RBFOX1: variants seen among roughly 807,000 people sequenced by gnomAD.
RBFOX1 encodes RNA binding protein fox-1 homolog 1.
A neutral mutation model predicts 57.7 loss-of-function variants in RBFOX1; 8 were observed. The observed-to-expected ratio is 0.14, with a 90% CI of 0.08 to 0.25. The LOEUF (loss-of-function observed/expected upper bound fraction) is 0.25. RBFOX1 is among the 10% of genes least tolerant of loss of function. RBFOX1 has a pLI of 1.00. For missense variants in RBFOX1, 611 were observed against 548.5 expected (o/e 1.11, Z -1.14); for synonymous variants, 326 against 222.4 (o/e 1.47, Z -4.15).
chr16:6,343,419 C>A (rs1195766376), intron 2 of RBFOX1, among the ~76,000 whole-genome samples: 1 of 152,164 alleles, frequency 6.6e-6, no homozygotes. Context: ...GGAAGATAGT[C>A]TTCAGGGAAG....
chr16:7,089,692 C>A (rs1170233839), intron 4 of RBFOX1, among the ~76,000 whole-genome samples: 1 of 152,066 alleles, frequency 6.6e-6, no homozygotes, highest in Non-Finnish European at 1.5e-5. Flanking sequence ...TGTCCCAGAC[C>A]CCCTTCCACA....
intron 4 of RBFOX1, among the ~76,000 whole-genome samples, chr16:7,451,544 C>T (rs1006245981): frequency 2.0e-5 from 3 of 152,074 alleles, no homozygotes; most frequent in Non-Finnish European, 2.9e-5. Context: ...GATCTCAACC[C>T]TACACTCATT....
intron 1 of RBFOX1, among the ~76,000 whole-genome samples, chr16:6,173,084 T>C (rs2096973778): frequency 6.6e-6 from 1 of 152,174 alleles, no homozygotes; most frequent in Non-Finnish European, 1.5e-5. Context: ...ACGATGATAT[T>C]AGGCCCACCT....
At chr16:7,200,017 C>G (rs1032740024) in intron 4 of RBFOX1, among the ~76,000 whole-genome samples, 2 of 152,202 alleles carry the variant, frequency 1.3e-5, no homozygotes, top group South Asian at 2.1e-4. Flanking sequence ...TGGATAGTCA[C>G]AATCATAGAG....
chr16:5,276,107 T>C (rs1005666686), intron 1 of RBFOX1, among the ~76,000 whole-genome samples: 5 of 152,224 alleles, frequency 3.3e-5, no homozygotes, highest in Non-Finnish European at 5.9e-5. Flanking sequence ...GGAAAACGTT[T>C]CTACACATTG....
intron 2 of RBFOX1, among the ~76,000 whole-genome samples, chr16:6,454,869 T>TG (rs1567313647): frequency 3.3e-5 from 1 of 30,386 alleles, no homozygotes; most frequent in Non-Finnish European, 6.2e-5. Flanking sequence ...GGTTTTTTTT[T>TG]TTTTTTTTTT....
At chr16:7,465,682 G>C (rs2060386401) in intron 4 of RBFOX1, among the ~76,000 whole-genome samples, 1 of 152,258 alleles carries the variant, frequency 6.6e-6, no homozygotes, top group Admixed American at 6.5e-5. Context: ...ATACCCTGGG[G>C]ATCCTTTGCT....
chr16:6,316,310 A>G (rs1241244463), intron 1 of RBFOX1, among the ~76,000 whole-genome samples: 1 of 152,136 alleles, frequency 6.6e-6, no homozygotes, highest in Admixed American at 6.6e-5. Context: ...AGTTTAGGTG[A>G]TATTTGGTTT....
chr16:5,991,233 G>A (rs774517507), intron 4 of RBFOX1, among the ~76,000 whole-genome samples: 19 of 152,116 alleles, frequency 1.2e-4, no homozygotes, highest in Non-Finnish European at 2.5e-4. Context: ...CCCATTTGCA[G>A]AGGAGCAGCA....
intron 4 of RBFOX1, among the ~76,000 whole-genome samples, chr16:7,280,939 A>C (rs937793289): frequency 6.8e-6 from 1 of 147,554 alleles, no homozygotes; most frequent in Non-Finnish European, 1.5e-5. Flanking sequence ...AATCAATTGC[A>C]TGTGATTCCC....
intron 4 of RBFOX1, among the ~76,000 whole-genome samples, chr16:7,218,282 T>A (rs961080019): frequency 1.3e-5 from 2 of 152,206 alleles, no homozygotes; most frequent in Non-Finnish European, 2.9e-5. Flanking sequence ...AAGATGTAGA[T>A]GGTGGTACTA....
intron 4 of RBFOX1, among the ~76,000 whole-genome samples, chr16:6,012,937 C>A (rs2094970399): frequency 6.6e-6 from 1 of 152,174 alleles, no homozygotes; most frequent in South Asian, 2.1e-4. Flanking sequence ...TGACTGGGAA[C>A]CTATGACAGT....
At chr16:6,582,107 T>C (rs748642472) in intron 2 of RBFOX1, among the ~76,000 whole-genome samples, 1 of 152,114 alleles carries the variant, frequency 6.6e-6, no homozygotes, top group Non-Finnish European at 1.5e-5. Flanking sequence ...AAAATGGCAA[T>C]AGCATTGAGG....
intron 3 of RBFOX1, among the ~76,000 whole-genome samples, chr16:7,015,413 A>G (rs8059540): frequency 2.2e-3 from 342 of 152,318 alleles, no homozygotes; most frequent in Admixed American, 5.4e-3. Context: ...GCCGTATTAT[A>G]GACTTATGGA....
intron 3 of RBFOX1, among the ~76,000 whole-genome samples, chr16:6,703,711 G>GA (rs539853329): frequency 2.6e-4 from 39 of 151,026 alleles, no homozygotes; most frequent in African/African-American, 6.8e-4. Flanking sequence ...AGTTTCAAAA[G>GA]AAAAAAAAGA....
chr16:5,321,024 G>T (rs556355684), intron 1 of RBFOX1, among the ~76,000 whole-genome samples: 6 of 152,266 alleles, frequency 3.9e-5, no homozygotes, highest in African/African-American at 9.6e-5. Flanking sequence ...TGCTGCTGCT[G>T]GTCCTGAGTT....
intron 5 of RBFOX1, among the ~76,000 whole-genome samples, chr16:7,557,236 C>A (rs1239635371): frequency 6.6e-6 from 1 of 152,052 alleles, no homozygotes; most frequent in East Asian, 1.9e-4. Flanking sequence ...AGGGCTTCAT[C>A]AGTACTTAGC....
At chr16:7,057,825 T>C (rs879841835) in intron 4 of RBFOX1, among the ~76,000 whole-genome samples, 2 of 151,992 alleles carry the variant, frequency 1.3e-5, no homozygotes, top group African/African-American at 2.4e-5. Context: ...CTAGCCAACA[T>C]GGTGAAACCC....
intron 3 of RBFOX1, among the ~76,000 whole-genome samples, chr16:5,665,092 T>G (rs2049790076): frequency 7.1e-6 from 1 of 140,582 alleles, no homozygotes; most frequent in Non-Finnish European, 1.5e-5. Context: ...ACCACAGGTG[T>G]GCACCACCAT....
Sources: allele counts gnomAD v4.1 joint callset (sites outside exome capture counted in the v4.1 genomes callset), GRCh38; gene constraint gnomAD v4.1.1; transcripts MANE v1.5; gene names NCBI Gene and HGNC (gene_info 2026-07-23, HGNC 2026-07-21).